The following RFC1 variants were observed in gnomAD, a reference collection of about 807,000 sequenced individuals.
RFC1 encodes the protein replication factor C subunit 1.
Under a neutral mutation model 137.4 loss-of-function variants are expected in RFC1, and 37 were observed. That is an observed-to-expected ratio of 0.27 (90% CI 0.21 to 0.35). The LOEUF (loss-of-function observed/expected upper bound fraction) is 0.35, where lower values mean the gene tolerates loss of function less well. Among genes scored for constraint, RFC1 ranks in the 10% least tolerant of loss-of-function variants. RFC1 has a pLI of 1.00. For missense variants in RFC1, 1,205 were observed against 1,358.5 expected, an observed-to-expected ratio of 0.89 and a Z score of 1.78; for synonymous variants, 429 against 455.7, an observed-to-expected ratio of 0.94 and a Z score of 0.75.
At position 39,287,843 on chromosome 4, in the gene RFC1, G is replaced by GT. The variant is rs1266790181; in HGVS notation, c.*917dup. ...GTGAACAAAAGCCAGTGTTCATTTT[G>GT]TCCCCCACCATAGTGAAATTAAGAG... On this transcript the variant is annotated 3_prime_UTR_variant, in exon 25 of 25. Coordinates refer to ENST00000349703, the MANE Select transcript of RFC1 (RefSeq NM_002913.5). 6.6e-6 allele frequency: 1 copy of GT among 152,200 alleles called. No individual in the cohort carries two copies. The highest frequency in any genetic ancestry group is 6.5e-5 in the Admixed American group (1 of 15,276). 9.4% of individuals were successfully genotyped at this position (152,200 alleles called of 1,614,324 possible).
Position 39,316,967 on chromosome 4 carries a change from C to A in RFC1, c.1151G>T (p.Ser384Ile). Residue 384 changes from serine (S) to isoleucine (I), a missense_variant, in exon 10 of 25, where the codon AGC becomes ATC. By Grantham distance (142) the Ser-to-Ile change is moderately radical. This residue lies in a region of RFC1 where 962 missense variants were observed against 1,035.3 expected (regional missense o/e 0.93). Coordinates refer to ENST00000349703, the MANE Select transcript of RFC1 (RefSeq NM_002913.5). ...CTTGGGACCTTCTCGATTTAAGTAG[C>A]TTCGATAAGCTTGATAATTAGTGCG... ...KKRTNYQAYR[S>I]YLNREGPKAL... The A allele has an allele frequency of 6.2e-7, 1 of 1,614,066 alleles. No individual in the cohort carries two copies. The highest frequency in any genetic ancestry group is 1.7e-5 in the Admixed American group (1 of 60,022).
chr4:39,360,790 G>C (rs1470403590), intron 1 of RFC1, among the ~76,000 whole-genome samples: 1 of 152,074 alleles, frequency 6.6e-6, no homozygotes, highest in Non-Finnish European at 1.5e-5. Flanking sequence ...TCTTTGAAGA[G>C]TACACAGTTT....
At chr4:39,324,140 TGG>T (rs1739650094) in intron 6 of RFC1, among the ~76,000 whole-genome samples, 1 of 152,048 alleles carries the variant, frequency 6.6e-6, no homozygotes, top group African/African-American at 2.4e-5. Flanking sequence ...CCTGGTAAAA[TGG>T]CCTTACGTGA....
intron 4 of RFC1, among the ~76,000 whole-genome samples, chr4:39,339,515 A>G (rs1430316340): frequency 6.6e-6 from 1 of 152,150 alleles, no homozygotes; most frequent in Non-Finnish European, 1.5e-5. Context: ...ACTTTTTCAT[A>G]TACCTGTTGG....
chr4:39,358,237 T>G (rs1189616387), intron 1 of RFC1, among the ~76,000 whole-genome samples: 1 of 152,004 alleles, frequency 6.6e-6, no homozygotes, highest in African/African-American at 2.4e-5. Context: ...ATCGCACCAT[T>G]GCACTCCAGC....
intron 4 of RFC1, among the ~76,000 whole-genome samples, chr4:39,331,810 A>G (rs60960196): frequency 0.02 from 3,000 of 152,278 alleles, 104 homozygotes; most frequent in African/African-American, 0.068. Flanking sequence ...TAAAACATTA[A>G]CAATTTTTAT....
At chr4:39,337,247 G>A (rs1740398791) in intron 4 of RFC1, among the ~76,000 whole-genome samples, 1 of 152,204 alleles carries the variant, frequency 6.6e-6, no homozygotes, top group Non-Finnish European at 1.5e-5. Context: ...GGCGGTGCAC[G>A]CCTGTAATCT....
intron 6 of RFC1, 74 bp from the exon 7 acceptor site, chr4:39,323,491 T>C: frequency 1.6e-6 from 2 of 1,244,842 alleles, no homozygotes; most frequent in Non-Finnish European, 2.3e-6. Context: ...AATGTCTGAT[T>C]CATATATTTA....
chr4:39,355,156 C>T (rs1255777481), intron 1 of RFC1, among the ~76,000 whole-genome samples: 1 of 142,112 alleles, frequency 7.0e-6, no homozygotes, highest in African/African-American at 2.6e-5. Flanking sequence ...GGTGTGGTGG[C>T]TCACACCTGT....
intron 4 of RFC1, among the ~76,000 whole-genome samples, chr4:39,330,655 G>A (rs1006614324): frequency 1.3e-5 from 2 of 152,170 alleles, no homozygotes; most frequent in Non-Finnish European, 2.9e-5. Flanking sequence ...CATTCAATGA[G>A]ATAAGTTAGC....
chr4:39,342,801 A>G (rs979016707), intron 3 of RFC1, among the ~76,000 whole-genome samples: 1 of 152,162 alleles, frequency 6.6e-6, no homozygotes, highest in African/African-American at 2.4e-5. Flanking sequence ...ATACTCTAAG[A>G]AAGAATTTTA....
chr4:39,323,863 C>T, intron 6 of RFC1, among the ~76,000 whole-genome samples: 1 of 152,152 alleles, frequency 6.6e-6, no homozygotes, highest in Non-Finnish European at 1.5e-5. Flanking sequence ...TTTTTTGGCA[C>T]ATATAGTAAG....
intron 22 of RFC1, among the ~76,000 whole-genome samples, chr4:39,295,291 C>A (rs1481245865): frequency 6.6e-6 from 1 of 152,162 alleles, no homozygotes; most frequent in South Asian, 2.1e-4. Context: ...TCTGAAGCTG[C>A]GAAGCTATTC....
At chr4:39,289,762 C>T in intron 24 of RFC1, 86 bp downstream of exon 24, 1 of 870,840 alleles carries the variant, frequency 1.1e-6, no homozygotes, top group Non-Finnish European at 1.9e-6. Context: ...AGTTATTCTG[C>T]TATGTGCTGA....
chr4:39,294,959 C>T (rs1243673472), intron 22 of RFC1, among the ~76,000 whole-genome samples: 1 of 152,192 alleles, frequency 6.6e-6, no homozygotes, highest in Non-Finnish European at 1.5e-5. Context: ...GCAGAGATCG[C>T]ATCACTGCAT....
chr4:39,342,133 T>TA (rs575740971), intron 4 of RFC1, among the ~76,000 whole-genome samples: 1 of 152,192 alleles, frequency 6.6e-6, no homozygotes, highest in East Asian at 1.9e-4. Flanking sequence ...TACAAGCACT[T>TA]AAAAAAAATT....
chr4:39,353,397 C>CAAAAAAAAAAAAAA (rs11416030), intron 1 of RFC1, among the ~76,000 whole-genome samples: 1 of 63,514 alleles, frequency 1.6e-5, no homozygotes, highest in African/African-American at 6.0e-5. Flanking sequence ...GAGACTGTCT[C>CAAAAAAAAAAAAAA]AAAAAAAAAA....
intron 6 of RFC1, among the ~76,000 whole-genome samples, chr4:39,325,365 C>T (rs1269180672): frequency 6.6e-6 from 1 of 152,150 alleles, no homozygotes; most frequent in South Asian, 2.1e-4. Context: ...ACCATTCACC[C>T]AGTTGTTAAG....
chr4:39,300,339 C>G lies in RFC1; in HGVS notation c.2611G>C (p.Asp871His), dbSNP rs755363991. 12 of 1,613,972 alleles carry G rather than the reference C, an allele frequency of 7.4e-6. No individual in the cohort carries two copies. Among genetic ancestry groups the G allele is most frequent in the Admixed American group, 3.3e-5 (2 of 60,008 alleles). The change falls in exon 20 of 25, where the codon GAT becomes CAT. Residue 871 changes from aspartate to histidine, a missense_variant. Physicochemically the swap from Asp to His is moderately conservative, Grantham distance 81. Coordinates refer to ENST00000349703, the MANE Select transcript of RFC1 (RefSeq NM_002913.5). ...TAHMSLVDKS[D>H]LFFHDYSIAP... ...ATTGAATAATCATGAAAAAAGAGAT[C>G]TGACTTGTCCACAAGTGACATGTGA...
Sources: allele counts gnomAD v4.1 joint callset (sites outside exome capture counted in the v4.1 genomes callset), GRCh38; gene constraint gnomAD v4.1.1; regional missense constraint gnomAD v4.1.1; transcripts MANE v1.5; gene names NCBI Gene and HGNC (gene_info 2026-07-23, HGNC 2026-07-21).